Variants in LRRC63 observed in about 807,000 individuals in gnomAD.
LRRC63 encodes the protein leucine-rich repeat-containing protein 63.
Under a neutral mutation model 49.5 loss-of-function variants are expected in LRRC63, and 40 were observed. The ratio of observed to expected loss-of-function variants is 0.81; its 90% CI spans 0.63 to 1.05. The LOEUF (loss-of-function observed/expected upper bound fraction) is 1.05, where lower values mean the gene tolerates loss of function less well. LRRC63 is among the 50% of genes least tolerant of loss of function. The pLI, the probability that LRRC63 is intolerant of heterozygous loss-of-function variation, is 0.00. For synonymous variants in LRRC63, 191 were observed against 221.1 expected, an observed-to-expected ratio of 0.86 and a Z score of 1.21; for missense variants, 636 against 663.1, an observed-to-expected ratio of 0.96 and a Z score of 0.45.
exon 10 of LRRC63, chr13:46,276,864 A>ATATAT (rs2047849944): frequency 6.2e-6 from 1 of 161,626 alleles, no homozygotes; most frequent in East Asian, 1.6e-4. Context: ...ATATATATAT[A>ATATAT]TATTTATATA....
chr13:46,275,574 T>C (rs1459263062), intron 9 of LRRC63, among the ~76,000 whole-genome samples: 1 of 152,258 alleles, frequency 6.6e-6, no homozygotes, highest in East Asian at 1.9e-4. Context: ...ATTAGTGATG[T>C]TGAGCATTTT....
At chr13:46,248,128 C>T (rs148934271) in intron 6 of LRRC63, among the ~76,000 whole-genome samples, 2,316 of 151,960 alleles carry the variant, frequency 0.015, 75 homozygotes, top group African/African-American at 0.052. Flanking sequence ...CTCAAGAGAA[C>T]ATACTGAAAA....
chr13:46,242,986 A>G (rs1218921127), intron 5 of LRRC63, among the ~76,000 whole-genome samples: 3 of 152,222 alleles, frequency 2.0e-5, no homozygotes, highest in Non-Finnish European at 4.4e-5. Context: ...TCACTGCTTC[A>G]AGTAAGAAAA....
At chr13:46,218,293 G>A (rs909382913) in intron 2 of LRRC63, among the ~76,000 whole-genome samples, 2 of 151,960 alleles carry the variant, frequency 1.3e-5, no homozygotes, top group Non-Finnish European at 2.9e-5. Context: ...TCCTGTATTG[G>A]GTATATTTAG....
intron 9 of LRRC63, among the ~76,000 whole-genome samples, chr13:46,273,496 G>A (rs2047787865): frequency 6.6e-6 from 1 of 151,846 alleles, no homozygotes; most frequent in Non-Finnish European, 1.5e-5. Flanking sequence ...CAGCTACTCA[G>A]GAGGCTGAGG....
At chr13:46,276,692 T>G (rs2047841493) in exon 10 of LRRC63, 1 of 1,230,524 alleles carries the variant, frequency 8.1e-7, no homozygotes, top group South Asian at 4.1e-5. Flanking sequence ...CAGTTATGTT[T>G]TATGTCTGTT....
At chr13:46,275,199 A>T (rs1387776682) in intron 9 of LRRC63, among the ~76,000 whole-genome samples, 1 of 152,022 alleles carries the variant, frequency 6.6e-6, no homozygotes, top group African/African-American at 2.4e-5. Context: ...TACATACCAT[A>T]TTTTCTTTAT....
rs369088308 is a variant in LRRC63, at chr13:46,240,271, C to T, written c.990+5922C>T. ...CCTCCTGAGTAGCTGGGACTACAGG[C>T]GCCTGCCACCACGCTTGGCTAATTT... On this transcript the variant is annotated intron_variant, in intron 5 of 9. Transcript: ENST00000595396. 6.0e-5 allele frequency among the ~76,000 whole-genome samples: 9 copies of T among 151,146 alleles called. No homozygotes were observed. In the East Asian group the frequency reaches 9.7e-4, roughly 16 times the overall value.
intron 7 of LRRC63, among the ~76,000 whole-genome samples, chr13:46,260,865 C>A (rs1166426120): frequency 1.3e-5 from 2 of 152,124 alleles, no homozygotes; most frequent in East Asian, 3.9e-4. Context: ...CCTTTATATG[C>A]CATGTTAAGA....
chr13:46,257,171 A>G (rs991498245), intron 7 of LRRC63, among the ~76,000 whole-genome samples: 3 of 152,206 alleles, frequency 2.0e-5, no homozygotes, highest in Non-Finnish European at 4.4e-5. Flanking sequence ...GGAATGAGGC[A>G]GCTTGAAAAC....
intron 2 of LRRC63, among the ~76,000 whole-genome samples, chr13:46,222,588 TAAG>T (rs2046437738): frequency 6.6e-6 from 1 of 152,038 alleles, no homozygotes; most frequent in African/African-American, 2.4e-5. Flanking sequence ...TGTGGAGAAA[TAAG>T]AACACTTTTA....
intron 4 of LRRC63, among the ~76,000 whole-genome samples, chr13:46,231,847 G>A (rs1212033073): frequency 2.8e-5 from 3 of 108,212 alleles, no homozygotes; most frequent in African/African-American, 7.5e-5. Context: ...ACAGAGTCTC[G>A]CTCTGTCACC....
rs539500497 is a variant in LRRC63 at position 46,220,298 on chromosome 13, C to G, written c.85+7179C>G. On this transcript the variant is annotated intron_variant, in intron 2 of 9. Transcript: ENST00000595396. Reference sequence around the variant, plus strand: ...GGCTGCTGCCTTTCTTTCAGAGATGCCCTGCCCAGAGAGGAGGAATCTAGA... The same window carrying G: ...GGCTGCTGCCTTTCTTTCAGAGATGGCCTGCCCAGAGAGGAGGAATCTAGA... Among the ~76,000 whole-genome samples, 24 of 152,292 alleles carry G rather than the reference C, an allele frequency of 1.6e-4. No individual in the cohort carries two copies. In the South Asian group the frequency reaches 4.6e-3, roughly 29 times the overall value.
chr13:46,271,427 C>A (rs2047757252), intron 9 of LRRC63, among the ~76,000 whole-genome samples: 2 of 152,176 alleles, frequency 1.3e-5, no homozygotes, highest in South Asian at 4.1e-4. Context: ...GGCTGGAGTG[C>A]AGATTGTATC....
At chr13:46,265,907 C>A (rs1336650164) in intron 8 of LRRC63, among the ~76,000 whole-genome samples, 1 of 152,130 alleles carries the variant, frequency 6.6e-6, no homozygotes, top group Non-Finnish European at 1.5e-5. Flanking sequence ...GTTTTCAATA[C>A]CCTTGTTGAT....
chr13:46,238,077 AG>A (rs1367654646), intron 5 of LRRC63, among the ~76,000 whole-genome samples: 2 of 152,210 alleles, frequency 1.3e-5, no homozygotes, highest in African/African-American at 4.8e-5. Context: ...CATAATGTTA[AG>A]GGCTCAATTC....
exon 9 of LRRC63, chr13:46,266,915 A>T (rs950927189): frequency 6.5e-5 from 101 of 1,548,152 alleles, no homozygotes; most frequent in Non-Finnish European, 8.6e-5. Context: ...ATTGTCCAAA[A>T]TAAACTACAT....
At chr13:46,269,630 A>G (rs2047727430) in intron 9 of LRRC63, among the ~76,000 whole-genome samples, 1 of 152,070 alleles carries the variant, frequency 6.6e-6, no homozygotes, top group African/African-American at 2.4e-5. Flanking sequence ...GTAGGCAGAC[A>G]TATCTTAACT....
intron 2 of LRRC63, among the ~76,000 whole-genome samples, chr13:46,219,141 T>C (rs2046336085): frequency 6.6e-6 from 1 of 152,208 alleles, no homozygotes; most frequent in Non-Finnish European, 1.5e-5. Context: ...AATTTGAATG[T>C]TGGTCTGTCT....
Sources: allele counts gnomAD v4.1 joint callset (sites outside exome capture counted in the v4.1 genomes callset), GRCh38; gene constraint gnomAD v4.1.1; transcripts MANE v1.5; gene names NCBI Gene and HGNC (gene_info 2026-07-23, HGNC 2026-07-21).